The following MROH2B variants were observed in gnomAD, a reference collection of about 807,000 sequenced individuals.
MROH2B encodes maestro heat like repeat family member 2B, also known as maestro heat-like repeat-containing protein family member 2B.
In MROH2B, 177 loss-of-function variants were observed where a neutral mutation model predicts 208.6. That is an observed-to-expected ratio of 0.85 (90% CI 0.75 to 0.96). The LOEUF (loss-of-function observed/expected upper bound fraction) is 0.96, where lower values mean the gene tolerates loss of function less well. Ranked by LOEUF, MROH2B falls within the 40% of genes least tolerant of loss-of-function variation. The pLI is 0.00. For synonymous variants in MROH2B, 728 were observed against 659.0 expected (o/e 1.10, Z -1.60); for missense variants, 2,002 against 1,878.7 (o/e 1.07, Z -1.21).
chr5:41,017,136 T>C (rs1741980216), intron 28 of MROH2B, among the ~76,000 whole-genome samples: 1 of 152,226 alleles, frequency 6.6e-6, no homozygotes, highest in Non-Finnish European at 1.5e-5. Context: ...AGACTGTTTC[T>C]GGCTGCGTCT....
intron 5 of MROH2B, among the ~76,000 whole-genome samples, chr5:41,063,356 A>T (rs1433034426): frequency 6.6e-6 from 1 of 152,162 alleles, no homozygotes; most frequent in Non-Finnish European, 1.5e-5. Context: ...TGGCTCTGCC[A>T]TGTACTGGCT....
intron 37 of MROH2B, among the ~76,000 whole-genome samples, chr5:41,003,817 G>T (rs974688917): frequency 6.6e-6 from 1 of 152,118 alleles, no homozygotes; most frequent in Admixed American, 6.5e-5. Flanking sequence ...TGATGGCAAT[G>T]AATAACCAAA....
At chr5:41,027,867 G>A (rs1187685702) in intron 24 of MROH2B, among the ~76,000 whole-genome samples, 6 of 152,126 alleles carry the variant, frequency 3.9e-5, no homozygotes, top group Non-Finnish European at 1.5e-5. Flanking sequence ...CATAACAAAT[G>A]ATGAGTTCAT....
intron 31 of MROH2B, 51 bp from the exon 32 acceptor site, chr5:41,009,457 G>C: frequency 1.9e-6 from 3 of 1,590,340 alleles, no homozygotes; most frequent in Non-Finnish European, 1.7e-6. Flanking sequence ...CCCTCGGGCT[G>C]TAAGCTTTTC....
At chr5:41,035,171 AC>A (rs1289912881) in intron 21 of MROH2B, among the ~76,000 whole-genome samples, 1 of 152,118 alleles carries the variant, frequency 6.6e-6, no homozygotes, top group East Asian at 1.9e-4. Context: ...GTATCATACT[AC>A]CTGACTTCAA....
Position 41,012,725 on chromosome 5 carries a change from T to G in MROH2B, c.2993A>C (p.Lys998Thr). 6.2e-7 allele frequency: 1 copy of G among 1,613,306 alleles called. No homozygotes were observed. The highest frequency in any genetic ancestry group is 8.5e-7 in the Non-Finnish European group (1 of 1,179,614). ...ISSKIAKIVS[K>T]FIPNEEILMF... ...CAGAATTTCTTCATTTGGGATGAAC[T>G]TACTGACAATCTGAAAATGCACCCA... The change falls in exon 30 of 42, where the codon AAG becomes ACG. Residue 998 changes from lysine to threonine, a missense_variant. Transcript: ENST00000399564.
intron 24 of MROH2B, among the ~76,000 whole-genome samples, chr5:41,022,325 C>T (rs1002117566): frequency 6.6e-6 from 1 of 152,142 alleles, no homozygotes; most frequent in South Asian, 2.1e-4. Context: ...ACAGATGGCA[C>T]CTGGAAAATT....
At position 41,004,348 on chromosome 5, in the gene MROH2B, C is replaced by A. The variant is rs1432096728; in HGVS notation, c.4192G>T (p.Asp1398Tyr). The change falls in exon 37 of 42, where the codon GAT (aspartate) becomes TAT (tyrosine). Residue 1398 changes from aspartate to tyrosine, a missense_variant and splice_region_variant. Coordinates refer to ENST00000399564, the MANE Select transcript of MROH2B (RefSeq NM_173489.5). ...IVLQTRTFFE[D>Y]EQDDVRLTAI... Reference sequence around the variant, plus strand: ...AGTTCCTAAACAGGCTCACTTACATCTTCAAAGAAGGTCCTTGTTTGCAGC... The same window carrying A: ...AGTTCCTAAACAGGCTCACTTACATATTCAAAGAAGGTCCTTGTTTGCAGC... 1.2e-6 allele frequency: 2 copies of A among 1,612,782 alleles called. No homozygotes were observed. Among genetic ancestry groups the A allele is most frequent in the East Asian group, 2.2e-5 (1 of 44,866 alleles).
intron 1 of MROH2B, 35 bp downstream of exon 1, chr5:41,070,790 A>G (rs1206458652): frequency 3.7e-6 from 6 of 1,603,576 alleles, no homozygotes; most frequent in Non-Finnish European, 4.3e-6. Flanking sequence ...AACACAGGGA[A>G]GAGCCTTGGC....
chr5:41,024,526 T>C (rs1436906562), intron 24 of MROH2B, among the ~76,000 whole-genome samples: 2 of 151,950 alleles, frequency 1.3e-5, no homozygotes, highest in Non-Finnish European at 2.9e-5. Flanking sequence ...AGCACCAAGA[T>C]TCATAAAGCA....
chr5:41,024,379 G>T (rs1019701861), intron 24 of MROH2B, among the ~76,000 whole-genome samples: 12 of 152,108 alleles, frequency 7.9e-5, no homozygotes, highest in Admixed American at 3.9e-4. Context: ...GGCAGGGGTT[G>T]CAATCCTAGT....
intron 6 of MROH2B, 74 bp downstream of exon 6, chr5:41,061,496 A>G (rs1358149041): frequency 3.9e-6 from 5 of 1,279,992 alleles, no homozygotes; most frequent in Non-Finnish European, 5.2e-6. Context: ...CCTAATTATC[A>G]TGTCACAAAG....
At position 41,047,771 on chromosome 5, in the gene MROH2B, AC is replaced by A. The variant is rs1286852220; in HGVS notation, c.1685-8del. 1 of 1,581,368 alleles carries A rather than the reference AC, an allele frequency of 6.3e-7. No homozygotes were observed. The highest frequency in any genetic ancestry group is 1.3e-5 in the African/African-American group (1 of 74,234). The stretch of plus-strand genomic sequence containing the variant: ...ACGGTACTGATGTTCTTTCCTAGAA[AC>A]AAAAATTGATGTAATAATCGCAAAA... On this transcript the variant is annotated splice_polypyrimidine_tract_variant and splice_region_variant and intron_variant, in intron 16 of 41. Transcript: ENST00000399564.
chr5:41,027,805 T>C (rs974893079), intron 24 of MROH2B, among the ~76,000 whole-genome samples: 11 of 152,186 alleles, frequency 7.2e-5, no homozygotes, highest in African/African-American at 1.7e-4. Context: ...CCATCAATGA[T>C]AGACTGGATT....
intron 19 of MROH2B, among the ~76,000 whole-genome samples, chr5:41,040,653 G>A (rs1742914944): frequency 6.6e-6 from 1 of 152,086 alleles, no homozygotes; most frequent in African/African-American, 2.4e-5. Flanking sequence ...AAGCTCAATT[G>A]GACGTCACAA....
chr5:41,031,749 A>T (rs1210142947), intron 24 of MROH2B, among the ~76,000 whole-genome samples: 1 of 152,050 alleles, frequency 6.6e-6, no homozygotes, highest in African/African-American at 2.4e-5. Flanking sequence ...ACCTCCACCC[A>T]CAACTAGGCC....
At chr5:41,039,092 G>A (rs1392764169) in intron 20 of MROH2B, among the ~76,000 whole-genome samples, 1 of 152,156 alleles carries the variant, frequency 6.6e-6, no homozygotes, top group Non-Finnish European at 1.5e-5. Context: ...CCTTCAGAGA[G>A]GTAACTGGGA....
rs143566823 is a variant in MROH2B, at chr5:41,056,131, G to A, written c.920-276C>T. 4.7e-3 allele frequency among the ~76,000 whole-genome samples: 709 copies of A among 152,268 alleles called. 4 individuals carry two copies. Among genetic ancestry groups the A allele is most frequent in the African/African-American group, 0.015 (619 of 41,548 alleles). The stretch of plus-strand genomic sequence containing the variant: ...TTGCAGATATAATGAAGTTAAGAAG[G>A]TTATTAGAGTGGGCCTGAATTTAAT... On this transcript the variant is annotated intron_variant, in intron 9 of 41. Coordinates refer to ENST00000399564, the MANE Select transcript of MROH2B (RefSeq NM_173489.5).
At chr5:41,061,790 T>C (rs1743651151) in intron 5 of MROH2B, 66 bp from the exon 6 acceptor site, 2 of 1,503,674 alleles carry the variant, frequency 1.3e-6, no homozygotes, top group Non-Finnish European at 1.8e-6. Context: ...ATAAAATAAT[T>C]TGAGAAGAGA....
Sources: gnomAD v4.1 joint callset for allele counts (sites outside exome capture counted in the v4.1 genomes callset) on GRCh38, gnomAD v4.1.1 for gene constraint, MANE v1.5 for transcripts, NCBI Gene and HGNC (gene_info 2026-07-23, HGNC 2026-07-21) for gene names.